The following CALN1 variants were observed in gnomAD, a reference collection of about 807,000 sequenced individuals.
CALN1 encodes calneuron 1.
Under a neutral mutation model 30.6 loss-of-function variants are expected in CALN1, and 17 were observed. The ratio of observed to expected loss-of-function variants is 0.56; its 90% CI spans 0.38 to 0.83. The LOEUF is 0.83. Ranked by LOEUF, CALN1 falls within the 40% of genes least tolerant of loss-of-function variation. CALN1 has a pLI of 0.00. For synonymous variants in CALN1, 156 were observed against 131.4 expected (o/e 1.19, Z -1.28); for missense variants, 291 against 354.9 (o/e 0.82, Z 1.45).
intron 3 of CALN1, among the ~76,000 whole-genome samples, chr7:72,164,028 C>A (rs116917858): frequency 3.9e-5 from 6 of 151,996 alleles, no homozygotes; most frequent in African/African-American, 7.3e-5. Context: ...AGAGAAAAAA[C>A]GGAGTAGGAT....
At chr7:72,316,400 A>G (rs1800448985) in intron 2 of CALN1, among the ~76,000 whole-genome samples, 1 of 151,818 alleles carries the variant, frequency 6.6e-6, no homozygotes, top group Admixed American at 6.6e-5. Flanking sequence ...AAACATTCAC[A>G]GGATATTAAG....
intron 5 of CALN1, among the ~76,000 whole-genome samples, chr7:71,849,234 T>C (rs1790496571): frequency 6.6e-6 from 1 of 152,172 alleles, no homozygotes; most frequent in African/African-American, 2.4e-5. Flanking sequence ...GTTGCCCCAA[T>C]TGTATTGAAT....
At chr7:72,299,947 G>C (rs1799142586) in intron 2 of CALN1, among the ~76,000 whole-genome samples, 1 of 151,984 alleles carries the variant, frequency 6.6e-6, no homozygotes, top group African/African-American at 2.4e-5. Context: ...ACCCAGGCTG[G>C]AGAGCAGTGG....
chr7:72,245,884 A>G (rs971998886), intron 3 of CALN1, among the ~76,000 whole-genome samples: 7 of 152,134 alleles, frequency 4.6e-5, no homozygotes, highest in African/African-American at 1.7e-4. Flanking sequence ...TTTCCATTCC[A>G]CCAGCAAAGA....
chr7:71,922,998 C>T (rs1047148179), intron 5 of CALN1, among the ~76,000 whole-genome samples: 1 of 148,314 alleles, frequency 6.7e-6, no homozygotes, highest in Non-Finnish European at 1.5e-5. Flanking sequence ...ATCTATCTAA[C>T]TACACTATAC....
chr7:72,488,149 T>C, the CALN1 span, among the ~76,000 whole-genome samples: 1 of 151,632 alleles, frequency 6.6e-6, no homozygotes, highest in Non-Finnish European at 1.5e-5. Flanking sequence ...GAGGATCACT[T>C]GAGCCCAAGT....
intron 3 of CALN1, among the ~76,000 whole-genome samples, chr7:72,137,878 CA>C (rs902872883): frequency 1.3e-5 from 2 of 152,054 alleles, no homozygotes; most frequent in African/African-American, 2.4e-5. Context: ...ATAAATATAG[CA>C]TATCTATTTG....
At chr7:72,441,621 A>T (rs1359801214) in intron 1 of CALN1, among the ~76,000 whole-genome samples, 3 of 135,680 alleles carry the variant, frequency 2.2e-5, no homozygotes, top group African/African-American at 5.5e-5. Context: ...AAAAAAAAAA[A>T]GTTGGGAGAA....
At chr7:72,402,773 G>A (rs1461676195) in intron 2 of CALN1, among the ~76,000 whole-genome samples, 1 of 152,186 alleles carries the variant, frequency 6.6e-6, no homozygotes, top group Non-Finnish European at 1.5e-5. Context: ...GGTGGGGGAT[G>A]GGGTGAGATT....
chr7:72,014,766 A>C (rs1800283275), intron 5 of CALN1, among the ~76,000 whole-genome samples: 2 of 152,128 alleles, frequency 1.3e-5, no homozygotes, highest in Admixed American at 1.3e-4. Flanking sequence ...GGCTAAATTG[A>C]TCCTCCCACC....
At chr7:72,461,305 G>C in the CALN1 span, among the ~76,000 whole-genome samples, 1 of 152,148 alleles carries the variant, frequency 6.6e-6, no homozygotes, top group African/African-American at 2.4e-5. Context: ...TCCCATTGCT[G>C]GCTGTCTACC....
intron 3 of CALN1, among the ~76,000 whole-genome samples, chr7:72,272,395 C>T (rs1444988513): frequency 6.6e-6 from 1 of 152,022 alleles, no homozygotes; most frequent in East Asian, 1.9e-4. Context: ...AAACCCATCT[C>T]TACCAAAAAT....
chr7:71,902,305 T>C (rs964319769), intron 5 of CALN1, among the ~76,000 whole-genome samples: 14 of 150,510 alleles, frequency 9.3e-5, no homozygotes, highest in African/African-American at 2.9e-4. Context: ...AAAACTCTTA[T>C]GGAAAAAATG....
chr7:71,785,970 C>T lies in CALN1; in HGVS notation c.*1805G>A, dbSNP rs1227104032. ...TCTTGGGAGCTTACATCTGCTCCCT[C>T]CTCCATATTATGGCTGAAGCCTTAG... On this transcript the variant is annotated 3_prime_UTR_variant, in exon 7 of 7. Coordinates refer to ENST00000395275, the MANE Select transcript of CALN1 (RefSeq NM_031468.4). 1 of 152,686 alleles carries T rather than the reference C, an allele frequency of 6.5e-6. No homozygotes were observed. The highest frequency in any genetic ancestry group is 1.5e-5 in the Non-Finnish European group (1 of 68,068). 9.5% of individuals were successfully genotyped at this position (152,686 alleles called of 1,614,324 possible).
chr7:72,016,998 C>CAAAAAAAAAAAGAAAAA (rs1800420284), intron 5 of CALN1, among the ~76,000 whole-genome samples: 1 of 31,962 alleles, frequency 3.1e-5, no homozygotes, highest in Non-Finnish European at 5.8e-5. Flanking sequence ...ACTAAAAATA[C>CAAAAAAAAAAAGAAAAA]AAAAAAAAAA....
intron 5 of CALN1, among the ~76,000 whole-genome samples, chr7:71,977,226 T>A (rs1798143566): frequency 6.6e-6 from 1 of 151,424 alleles, no homozygotes; most frequent in South Asian, 2.1e-4. Context: ...AAGGGAAGAG[T>A]CTGAAACCAG....
intron 3 of CALN1, among the ~76,000 whole-genome samples, chr7:72,199,203 A>G (rs1791243438): frequency 6.6e-6 from 1 of 152,192 alleles, no homozygotes; most frequent in African/African-American, 2.4e-5. Context: ...TGAACCTGAG[A>G]GGTGAAGGTT....
chr7:72,453,953 T>C, the CALN1 span, among the ~76,000 whole-genome samples: 8 of 151,532 alleles, frequency 5.3e-5, no homozygotes. Flanking sequence ...GAAACAATAT[T>C]CCAAGTCTAA....
intron 2 of CALN1, among the ~76,000 whole-genome samples, chr7:72,330,914 C>T (rs530484914): frequency 1.4e-4 from 21 of 152,300 alleles, no homozygotes; most frequent in African/African-American, 5.1e-4. Flanking sequence ...GTTACCTAAA[C>T]CAGAAACCCA....
Sources: allele counts gnomAD v4.1 joint callset (sites outside exome capture counted in the v4.1 genomes callset), GRCh38; gene constraint gnomAD v4.1.1; transcripts MANE v1.5; gene names NCBI Gene and HGNC (gene_info 2026-07-23, HGNC 2026-07-21).